Variants in RNLS observed in about 807,000 individuals in gnomAD.
RNLS encodes renalase.
RNLS carries 39 observed loss-of-function variants against 39.8 expected under a neutral mutation model. That is an observed-to-expected ratio of 0.98 (90% CI 0.76 to 1.28). The LOEUF is 1.28. Among genes scored for constraint, RNLS ranks in the 50% most tolerant of loss-of-function variants. The pLI is 0.00. For missense variants in RNLS, 410 were observed against 413.3 expected (o/e 0.99, Z 0.07); for synonymous variants, 147 against 150.7 (o/e 0.98, Z 0.18).
intron 4 of RNLS, among the ~76,000 whole-genome samples, chr10:88,438,547 G>T (rs181440899): frequency 3.9e-4 from 60 of 152,304 alleles, no homozygotes; most frequent in African/African-American, 1.3e-3. Flanking sequence ...TGTTGTGTAA[G>T]AAGTAATCTT....
At chr10:88,184,102 A>G in the RNLS span, among the ~76,000 whole-genome samples, 1 of 152,146 alleles carries the variant, frequency 6.6e-6, no homozygotes, top group Non-Finnish European at 1.5e-5. Context: ...ACATGAGCCA[A>G]TAAATTCTCT....
chr10:88,323,397 C>T (rs939719333), intron 5 of RNLS, among the ~76,000 whole-genome samples: 1 of 152,036 alleles, frequency 6.6e-6, no homozygotes, highest in Non-Finnish European at 1.5e-5. Context: ...GGTATTGGTA[C>T]AAAAACAGAC....
intron 6 of RNLS, among the ~76,000 whole-genome samples, chr10:88,285,940 C>T (rs957229693): frequency 2.6e-5 from 4 of 151,928 alleles, no homozygotes; most frequent in Non-Finnish European, 5.9e-5. Flanking sequence ...TAAAACAGGC[C>T]CAAGGAAGCT....
chr10:88,514,280 G>A (rs927013126), intron 4 of RNLS, among the ~76,000 whole-genome samples: 2 of 151,878 alleles, frequency 1.3e-5, no homozygotes, highest in Admixed American at 6.6e-5. Flanking sequence ...AAAACCTTCC[G>A]ATCCCATGAG....
Position 88,580,043 on chromosome 10 carries a change from C to T in RNLS, c.367+1524G>A, listed in dbSNP as rs187976427. 5.3e-5 allele frequency among the ~76,000 whole-genome samples: 8 copies of T among 152,264 alleles called. No individual in the cohort carries two copies. The East Asian group carries it at 1.3e-3, about 26-fold the overall frequency. On this transcript the variant is annotated intron_variant, in intron 3 of 6. Transcript: ENST00000331772. ...TCCAGCCTTCAGAGTAGAACTGAAA[C>T]ATTGGCTCTTCCTGAGTCTTGAGCC...
At chr10:88,575,797 A>G (rs1200646958) in intron 3 of RNLS, among the ~76,000 whole-genome samples, 1 of 110,292 alleles carries the variant, frequency 9.1e-6, no homozygotes, top group Non-Finnish European at 1.9e-5. Context: ...ATGGCTTCCC[A>G]TCGCACTTAG....
the RNLS span, among the ~76,000 whole-genome samples, chr10:88,204,037 G>A: frequency 6.6e-6 from 1 of 152,066 alleles, no homozygotes; most frequent in Non-Finnish European, 1.5e-5. Context: ...GGCATATCAG[G>A]AAATGAAGTT....
rs1049545701 is a variant in RNLS at position 88,583,312 on chromosome 10, G to A, written c.-122C>T. The A allele has an allele frequency of 5.5e-5, 80 of 1,464,740 alleles. No individual in the cohort carries two copies. The highest frequency in any genetic ancestry group is 9.7e-5 in the Admixed American group (4 of 41,164). 90.7% of individuals were successfully genotyped at this position (1,464,740 alleles called of 1,614,324 possible). A position where few individuals can be genotyped will look rare whatever the true frequency, so the allele number is the denominator to read the frequency against. On this transcript the variant is annotated 5_prime_UTR_variant, in exon 1 of 7. Coordinates refer to ENST00000331772, the MANE Select transcript of RNLS (RefSeq NM_001031709.3). Reference sequence around the variant, plus strand: ...GGTTCCGTGCTCCCTGGGCCGACCTGGGCCCTGAGCTTTCCTCCGGCCGGC... The same window carrying A: ...GGTTCCGTGCTCCCTGGGCCGACCTAGGCCCTGAGCTTTCCTCCGGCCGGC...
intron 4 of RNLS, among the ~76,000 whole-genome samples, chr10:88,474,110 A>G (rs1464108463): frequency 1.3e-5 from 2 of 152,212 alleles, no homozygotes; most frequent in African/African-American, 4.8e-5. Flanking sequence ...AATAAATTAT[A>G]TTTGAGATGC....
the RNLS span, among the ~76,000 whole-genome samples, chr10:88,186,647 G>A: frequency 2.0e-5 from 3 of 152,162 alleles, no homozygotes; most frequent in East Asian, 3.9e-4. Flanking sequence ...TGATATATCA[G>A]TGCTAAATGG....
At chr10:88,315,140 C>G (rs752592392) in intron 5 of RNLS, among the ~76,000 whole-genome samples, 1 of 152,170 alleles carries the variant, frequency 6.6e-6, no homozygotes, top group Admixed American at 6.5e-5. Flanking sequence ...AACCAAGCTC[C>G]TCTCTGAAAA....
chr10:88,544,338 A>G (rs2134299511), intron 4 of RNLS, among the ~76,000 whole-genome samples: 1 of 152,240 alleles, frequency 6.6e-6, no homozygotes, highest in Admixed American at 6.5e-5. Flanking sequence ...TCCCTATATG[A>G]CTGGTCTGTG....
chr10:88,216,681 C>A, the RNLS span, among the ~76,000 whole-genome samples: 2 of 152,148 alleles, frequency 1.3e-5, no homozygotes, highest in East Asian at 1.9e-4. Flanking sequence ...GGCTCAACCC[C>A]TCAAGAACCA....
chr10:88,385,732 C>A (rs1423391241), intron 4 of RNLS, among the ~76,000 whole-genome samples: 1 of 152,112 alleles, frequency 6.6e-6, no homozygotes, highest in Non-Finnish European at 1.5e-5. Flanking sequence ...TCGGGTGGGG[C>A]CCTGTGGTTA....
chr10:88,458,284 T>A (rs1007639143), intron 4 of RNLS, among the ~76,000 whole-genome samples: 5 of 152,236 alleles, frequency 3.3e-5, no homozygotes, highest in Non-Finnish European at 5.9e-5. Context: ...TAGCAAAACC[T>A]ACCAGTGCCA....
chr10:88,461,566 C>T (rs1003627555), intron 4 of RNLS, among the ~76,000 whole-genome samples: 2 of 152,086 alleles, frequency 1.3e-5, no homozygotes, highest in African/African-American at 4.8e-5. Flanking sequence ...TTGCCTCTAT[C>T]AGGGTTTATC....
intron 4 of RNLS, among the ~76,000 whole-genome samples, chr10:88,417,977 C>T (rs1227322174): frequency 6.6e-6 from 1 of 151,870 alleles, no homozygotes; most frequent in Non-Finnish European, 1.5e-5. Context: ...AAACTGATTT[C>T]TATTGACTTT....
intron 6 of RNLS, among the ~76,000 whole-genome samples, chr10:88,290,086 G>A (rs1299279689): frequency 7.3e-6 from 1 of 136,358 alleles, no homozygotes; most frequent in Admixed American, 7.4e-5. Context: ...AAAGATGAAA[G>A]GAAAGAGGTA....
chr10:88,298,171 T>G (rs887816858), intron 6 of RNLS, among the ~76,000 whole-genome samples: 7 of 152,094 alleles, frequency 4.6e-5, no homozygotes, highest in Admixed American at 2.0e-4. Context: ...ATTGGGTTGG[T>G]TTTTTTATTT....
Sources: allele counts gnomAD v4.1 joint callset (sites outside exome capture counted in the v4.1 genomes callset), GRCh38; gene constraint gnomAD v4.1.1; transcripts MANE v1.5; gene names NCBI Gene and HGNC (gene_info 2026-07-23, HGNC 2026-07-21).